The following GALNT2 variants were observed in gnomAD, a reference collection of about 807,000 sequenced individuals.
The protein encoded by GALNT2 is UDP-GalNAc:polypeptide N-acetylgalactosaminyltransferase 2.
A neutral mutation model predicts 81.4 loss-of-function variants in GALNT2; 31 were observed. That is an observed-to-expected ratio of 0.38 (90% CI 0.29 to 0.51). The LOEUF is 0.51. Ranked by LOEUF, GALNT2 falls within the 20% of genes least tolerant of loss-of-function variation. The probability of loss-of-function intolerance (pLI) is 0.87; values close to 1 mark genes in which losing one functional copy is unlikely to be tolerated. For missense variants in GALNT2, 629 were observed against 765.7 expected (o/e 0.82, Z 2.11); for synonymous variants, 303 against 287.4 (o/e 1.05, Z -0.55).
intron 3 of GALNT2, among the ~76,000 whole-genome samples, chr1:230,216,574 C>T (rs990372335): frequency 3.3e-5 from 5 of 152,104 alleles, no homozygotes; most frequent in South Asian, 2.1e-4. Flanking sequence ...TACAGGTGTG[C>T]GCCACTGTAC....
At chr1:230,132,536 G>T (rs936416231) in intron 1 of GALNT2, among the ~76,000 whole-genome samples, 2 of 152,198 alleles carry the variant, frequency 1.3e-5, no homozygotes, top group African/African-American at 4.8e-5. Flanking sequence ...GCCAGGCCTT[G>T]CTGAGAATGT....
At chr1:230,064,336 C>A (rs1343246428), upstream of GALNT2, among the ~76,000 whole-genome samples, 1 of 152,142 alleles carries the variant, frequency 6.6e-6, no homozygotes. Flanking sequence ...TCTGAATATA[C>A]AAAATGCTCT....
chr1:230,206,094 T>G (rs1057027452), intron 3 of GALNT2, among the ~76,000 whole-genome samples: 1 of 152,126 alleles, frequency 6.6e-6, no homozygotes, highest in Non-Finnish European at 1.5e-5. Context: ...GGTCTGAATT[T>G]CTTTTCACCA....
intron 1 of GALNT2, among the ~76,000 whole-genome samples, chr1:230,072,540 G>C: frequency 6.6e-6 from 1 of 152,106 alleles, no homozygotes; most frequent in East Asian, 1.9e-4. Flanking sequence ...ACACAAACCT[G>C]GCCAAGTCTA....
intron 2 of GALNT2, among the ~76,000 whole-genome samples, chr1:230,188,441 T>C (rs928716361): frequency 7.9e-5 from 12 of 152,206 alleles, no homozygotes; most frequent in African/African-American, 2.9e-4. Flanking sequence ...AGCTCTAGGC[T>C]CAGCTGTGCC....
At chr1:230,106,401 C>G (rs1660547283) in intron 1 of GALNT2, among the ~76,000 whole-genome samples, 1 of 152,214 alleles carries the variant, frequency 6.6e-6, no homozygotes, top group African/African-American at 2.4e-5. Flanking sequence ...ACCTGAGGCT[C>G]TGAGTTCCGG....
intron 1 of GALNT2, among the ~76,000 whole-genome samples, chr1:230,121,477 TC>T (rs1558093813): frequency 1.3e-5 from 2 of 152,134 alleles, no homozygotes; most frequent in Admixed American, 1.3e-4. Flanking sequence ...ATTCCCTCAC[TC>T]CCCTCTTCTT....
intron 1 of GALNT2, among the ~76,000 whole-genome samples, chr1:230,112,108 C>T (rs1660721037): frequency 6.6e-6 from 1 of 152,170 alleles, no homozygotes; most frequent in Admixed American, 6.5e-5. Flanking sequence ...GGGTCCAGCC[C>T]AGTCCATGGT....
In GALNT2 at chr1:230,193,268, AATCC is replaced by A. The variant is rs1259728264; in HGVS notation, c.221-9867_221-9864del. Among the ~76,000 whole-genome samples the A allele has an allele frequency of 1.3e-5, 2 of 152,198 alleles. No individual in the cohort carries two copies. The highest frequency in any genetic ancestry group is 4.8e-5 in the African/African-American group (2 of 41,446). ...GAATCCTGAAGCCTCCTGCAGCCTG[AATCC>A]ACTGAGACTCTCAGTTTCCTGCACA... On this transcript the variant is annotated intron_variant, in intron 2 of 15. Transcript: ENST00000366672. The surrounding 1 kb of genome is among the most constrained non-coding windows in gnomAD (Gnocchi z 4.3).
chr1:230,251,273 C>A (rs148469891), intron 10 of GALNT2, among the ~76,000 whole-genome samples: 54 of 152,242 alleles, frequency 3.5e-4, no homozygotes, highest in Non-Finnish European at 6.6e-4. Flanking sequence ...TTCTCCTGGG[C>A]TGCTGAGTGT....
intron 1 of GALNT2, among the ~76,000 whole-genome samples, chr1:230,119,795 A>G (rs989763138): frequency 6.6e-6 from 1 of 152,106 alleles, no homozygotes; most frequent in Non-Finnish European, 1.5e-5. Flanking sequence ...GGACTTACAC[A>G]TTTGCATTTC....
At chr1:230,094,768 CAG>C (rs1660195258) in intron 1 of GALNT2, among the ~76,000 whole-genome samples, 2 of 152,144 alleles carry the variant, frequency 1.3e-5, no homozygotes, top group South Asian at 2.1e-4. Context: ...AGGGAGAAAA[CAG>C]AGAGGTTGTG....
intron 1 of GALNT2, among the ~76,000 whole-genome samples, chr1:230,169,041 G>A (rs553093053): frequency 4.6e-5 from 7 of 152,218 alleles, no homozygotes; most frequent in African/African-American, 9.6e-5. Flanking sequence ...AATATTCCTC[G>A]TCTGGGGTTT....
intron 1 of GALNT2, among the ~76,000 whole-genome samples, chr1:230,105,286 A>T (rs904054313): frequency 6.6e-6 from 1 of 152,194 alleles, no homozygotes; most frequent in Non-Finnish European, 1.5e-5. Context: ...CTGAACACCC[A>T]CTGCTCTGTG....
At position 230,272,234 on chromosome 1, in the gene GALNT2, C is replaced by T. The variant is rs188491681; in HGVS notation, c.1441-2211C>T. On this transcript the variant is annotated intron_variant, in intron 14 of 15. Transcript: ENST00000366672. ...GCTTGGAAGAGCTGGCTGGAACTCA[C>T]CCATGTTGAATGACAGCATCATAGA... 1.4e-4 allele frequency among the ~76,000 whole-genome samples: 21 copies of T among 152,194 alleles called. No individual in the cohort carries two copies. In the East Asian group the frequency reaches 3.9e-3, roughly 28 times the overall value.
At chr1:230,093,673 G>A (rs2102769348) in intron 1 of GALNT2, among the ~76,000 whole-genome samples, 1 of 152,344 alleles carries the variant, frequency 6.6e-6, no homozygotes, top group East Asian at 1.9e-4. Flanking sequence ...GCCAATGACA[G>A]ATCGAATACC....
intron 2 of GALNT2, among the ~76,000 whole-genome samples, chr1:230,200,406 G>A (rs1047308869): frequency 2.0e-5 from 3 of 152,068 alleles, no homozygotes; most frequent in Non-Finnish European, 4.4e-5. Context: ...CTACCTCCTA[G>A]AACATGAAGT....
At chr1:230,219,125 C>G (rs567837495) in intron 3 of GALNT2, among the ~76,000 whole-genome samples, 7 of 152,200 alleles carry the variant, frequency 4.6e-5, no homozygotes, top group Non-Finnish European at 7.3e-5. Flanking sequence ...GGTTGGGGAC[C>G]GCTGGCTTAA....
At chr1:230,238,818 A>G (rs1412768335) in intron 6 of GALNT2, among the ~76,000 whole-genome samples, 1 of 152,104 alleles carries the variant, frequency 6.6e-6, no homozygotes, top group Non-Finnish European at 1.5e-5. Flanking sequence ...CTTAAAATGT[A>G]TTTTTCCAGT....
Sources: allele counts gnomAD v4.1 joint callset (sites outside exome capture counted in the v4.1 genomes callset), GRCh38; gene constraint gnomAD v4.1.1; non-coding constraint Gnocchi (gnomAD v3.1); transcripts MANE v1.5; gene names NCBI Gene and HGNC (gene_info 2026-07-23, HGNC 2026-07-21).